CALN1: variants seen among roughly 807,000 people sequenced by gnomAD.
CALN1 encodes calcium-binding protein 8.
Under a neutral mutation model 30.6 loss-of-function variants are expected in CALN1, and 17 were observed. The observed-to-expected ratio is 0.56, with a 90% CI of 0.38 to 0.83. The LOEUF is 0.83. CALN1 is among the 40% of genes least tolerant of loss of function. The pLI is 0.00. For synonymous variants in CALN1, 156 were observed against 131.4 expected, an observed-to-expected ratio of 1.19 and a Z score of -1.28; for missense variants, 291 against 354.9, an observed-to-expected ratio of 0.82 and a Z score of 1.45.
intron 3 of CALN1, among the ~76,000 whole-genome samples, chr7:72,126,291 A>G (rs1808760966): frequency 1.3e-5 from 2 of 151,972 alleles, no homozygotes; most frequent in Non-Finnish European, 2.9e-5. Context: ...TACATACCAC[A>G]TTTTCTTTAT....
intron 2 of CALN1, among the ~76,000 whole-genome samples, chr7:72,388,676 T>C (rs990601739): frequency 1.3e-5 from 2 of 152,180 alleles, no homozygotes; most frequent in Non-Finnish European, 2.9e-5. Context: ...CTGTGCCCTC[T>C]CCCTAAAAGA....
intron 3 of CALN1, among the ~76,000 whole-genome samples, chr7:72,264,621 C>G (rs563585549): frequency 6.6e-6 from 1 of 152,094 alleles, no homozygotes; most frequent in Non-Finnish European, 1.5e-5. Context: ...CAGCCTCAGC[C>G]TCCTGAGTAT....
At chr7:71,905,369 T>C (rs1259499933) in intron 5 of CALN1, among the ~76,000 whole-genome samples, 1 of 150,374 alleles carries the variant, frequency 6.7e-6, no homozygotes, top group African/African-American at 2.4e-5. Flanking sequence ...GTGTACATTG[T>C]ACCTAATGTG....
chr7:72,485,099 T>G, the CALN1 span, among the ~76,000 whole-genome samples: 5 of 152,210 alleles, frequency 3.3e-5, no homozygotes, highest in African/African-American at 9.6e-5. Flanking sequence ...AAAAAAATTT[T>G]TTTTAATTAC....
intron 2 of CALN1, among the ~76,000 whole-genome samples, chr7:72,295,306 A>T (rs556228825): frequency 6.6e-6 from 1 of 152,218 alleles, no homozygotes; most frequent in Non-Finnish European, 1.5e-5. Flanking sequence ...ATTTTTAAAA[A>T]TAACAAAAAC....
chr7:72,497,429 G>C, the CALN1 span, among the ~76,000 whole-genome samples: 2 of 152,088 alleles, frequency 1.3e-5, no homozygotes, highest in Non-Finnish European at 2.9e-5. Context: ...GACAGAGTGA[G>C]ACCCCATCTC....
intron 5 of CALN1, among the ~76,000 whole-genome samples, chr7:71,881,771 T>G (rs1792581796): frequency 6.6e-6 from 1 of 152,110 alleles, no homozygotes; most frequent in Non-Finnish European, 1.5e-5. Flanking sequence ...AATTTATTCT[T>G]TTATAGCTTT....
intron 3 of CALN1, among the ~76,000 whole-genome samples, chr7:72,174,585 TAC>T (rs1789200017): frequency 6.6e-6 from 1 of 152,112 alleles, no homozygotes; most frequent in Non-Finnish European, 1.5e-5. Flanking sequence ...AAAAACAAAC[TAC>T]AGATACATAA....
intron 5 of CALN1, among the ~76,000 whole-genome samples, chr7:71,994,725 C>A (rs370003249): frequency 1.2e-4 from 18 of 152,136 alleles, no homozygotes; most frequent in African/African-American, 4.1e-4. Context: ...CAGTTCTGTG[C>A]TGAAATGCAG....
intron 1 of CALN1, among the ~76,000 whole-genome samples, chr7:72,406,628 CTTT>C (rs71914682): frequency 6.9e-6 from 1 of 144,732 alleles, no homozygotes; most frequent in Non-Finnish European, 1.5e-5. Context: ...TTTTTTTTTT[CTTT>C]TTTAAGACGG....
chr7:71,975,490 A>C (rs1214316240), intron 5 of CALN1, among the ~76,000 whole-genome samples: 1 of 152,040 alleles, frequency 6.6e-6, no homozygotes, highest in Non-Finnish European at 1.5e-5. Flanking sequence ...GCAGCAGTGC[A>C]ATCATAGCTC....
intron 5 of CALN1, among the ~76,000 whole-genome samples, chr7:72,013,453 T>C (rs1800206761): frequency 6.6e-6 from 1 of 151,928 alleles, no homozygotes; most frequent in East Asian, 1.9e-4. Context: ...AGTCTCACTA[T>C]GTCGCCTAGG....
chr7:72,142,479 C>T (rs573689391), intron 3 of CALN1, among the ~76,000 whole-genome samples: 7 of 152,306 alleles, frequency 4.6e-5, no homozygotes, highest in African/African-American at 1.7e-4. Flanking sequence ...CCAGGAAGCT[C>T]GAACTGGGTG....
intron 4 of CALN1, among the ~76,000 whole-genome samples, chr7:72,091,289 C>A (rs1007589669): frequency 3.7e-4 from 56 of 152,174 alleles, no homozygotes; most frequent in African/African-American, 1.2e-3. Flanking sequence ...CAAGATCTCA[C>A]CATTGCACTC....
At chr7:71,893,821 G>GC (rs909669007) in intron 5 of CALN1, among the ~76,000 whole-genome samples, 5 of 152,156 alleles carry the variant, frequency 3.3e-5, no homozygotes, top group African/African-American at 1.2e-4. Flanking sequence ...TCTGCCCATT[G>GC]CAAGATTTGG....
At position 72,012,032 on chromosome 7, in the gene CALN1, TA is replaced by T. The variant is rs553387393; in HGVS notation, c.501+11624del. 5.9e-4 allele frequency among the ~76,000 whole-genome samples: 90 copies of T among 151,980 alleles called. No individual in the cohort carries two copies. The South Asian group carries it at 0.011, about 19-fold the overall frequency. ...AACACTTGAGGATAAGTAGATTGAA[TA>T]AAAAAAATACTTTTAAATATAATTT... On this transcript the variant is annotated intron_variant, in intron 5 of 6. Transcript: ENST00000395275.
chr7:72,189,640 C>A lies in CALN1; in HGVS notation c.245-83346G>T, dbSNP rs759661502. Reference sequence around the variant, plus strand: ...ACATAAAAATTAGCATGGTGGCCTGCACCTATAATCCCAGCTACTCCGGAG... The same window carrying A: ...ACATAAAAATTAGCATGGTGGCCTGAACCTATAATCCCAGCTACTCCGGAG... On this transcript the variant is annotated intron_variant, in intron 3 of 6. Coordinates refer to ENST00000395275, the MANE Select transcript of CALN1 (RefSeq NM_031468.4). Among the ~76,000 whole-genome samples the A allele has an allele frequency of 4.3e-4, 65 of 151,970 alleles. 1 individual carries two copies. The highest frequency in any genetic ancestry group is 1.5e-4 in the Non-Finnish European group (10 of 67,992).
intron 4 of CALN1, among the ~76,000 whole-genome samples, chr7:72,084,827 T>C (rs751845298): frequency 1.3e-5 from 2 of 152,216 alleles, no homozygotes; most frequent in African/African-American, 2.4e-5. Flanking sequence ...CTTGGTTAAC[T>C]GGTCAACTGC....
At chr7:71,803,640 A>C (rs1318715532) in intron 6 of CALN1, among the ~76,000 whole-genome samples, 1 of 151,944 alleles carries the variant, frequency 6.6e-6, no homozygotes, top group Non-Finnish European at 1.5e-5. Context: ...ACACCCAGCT[A>C]ATTTTTGTAT....
Sources: allele counts gnomAD v4.1 joint callset (sites outside exome capture counted in the v4.1 genomes callset), GRCh38; gene constraint gnomAD v4.1.1; transcripts MANE v1.5; gene names NCBI Gene and HGNC (gene_info 2026-07-23, HGNC 2026-07-21).